The following CCSER1 variants were observed in gnomAD, a reference collection of about 807,000 sequenced individuals.
CCSER1 encodes serine-rich coiled-coil domain-containing protein 1.
In CCSER1, 41 loss-of-function variants were observed where a neutral mutation model predicts 82.0. The observed-to-expected ratio is 0.50, with a 90% confidence interval of 0.39 to 0.65. The LOEUF is 0.65. CCSER1 is among the 30% of genes least tolerant of loss of function. The probability of loss-of-function intolerance (pLI) is 0.00; values close to 1 mark genes in which losing one functional copy is unlikely to be tolerated. For missense variants in CCSER1, 1,119 were observed against 1,064.2 expected (o/e 1.05, Z -0.72); for synonymous variants, 414 against 383.9 (o/e 1.08, Z -0.92).
intron 10 of CCSER1, among the ~76,000 whole-genome samples, chr4:91,462,296 C>T (rs966074373): frequency 5.9e-5 from 9 of 152,046 alleles, no homozygotes; most frequent in African/African-American, 2.2e-4. Context: ...ATATTTTGTA[C>T]GTATCAGATA....
intron 10 of CCSER1, among the ~76,000 whole-genome samples, chr4:91,552,751 CTTTT>C (rs952096767): frequency 2.6e-5 from 4 of 151,204 alleles, no homozygotes; most frequent in Non-Finnish European, 5.9e-5. Flanking sequence ...TACTGAATTT[CTTTT>C]TTAATTCTAA....
chr4:91,508,371 A>T (rs1048824374), intron 10 of CCSER1, among the ~76,000 whole-genome samples: 2 of 151,166 alleles, frequency 1.3e-5, no homozygotes, highest in Non-Finnish European at 1.5e-5. Context: ...CATGTGGTTT[A>T]CCTCCTTTCA....
chr4:90,750,112 G>A (rs1274465690), intron 7 of CCSER1, among the ~76,000 whole-genome samples: 1 of 151,706 alleles, frequency 6.6e-6, no homozygotes, highest in Non-Finnish European at 1.5e-5. Flanking sequence ...GTCTGTTCAT[G>A]TCCTTCGCCC....
intron 5 of CCSER1, among the ~76,000 whole-genome samples, chr4:90,601,636 G>A (rs1409966912): frequency 7.0e-6 from 1 of 141,878 alleles, no homozygotes; most frequent in Non-Finnish European, 1.5e-5. Context: ...CTGAAAGCTG[G>A]ATGGCTTTTT....
chr4:90,741,032 T>A (rs1746472567), intron 7 of CCSER1, among the ~76,000 whole-genome samples: 1 of 152,154 alleles, frequency 6.6e-6, no homozygotes, highest in Non-Finnish European at 1.5e-5. Flanking sequence ...TTTCCTTAAT[T>A]GGCCAAAGTG....
chr4:91,072,644 G>A (rs919098060), intron 9 of CCSER1, among the ~76,000 whole-genome samples: 4 of 152,064 alleles, frequency 2.6e-5, no homozygotes, highest in Admixed American at 6.6e-5. Context: ...GAGGTAGTAT[G>A]TGTAATAGTT....
At chr4:91,307,299 T>A (rs896287456) in intron 10 of CCSER1, among the ~76,000 whole-genome samples, 3 of 151,932 alleles carry the variant, frequency 2.0e-5, no homozygotes, top group African/African-American at 7.2e-5. Flanking sequence ...AATATATAAC[T>A]GTCTTTGTAA....
At chr4:90,631,720 C>A (rs572351181) in intron 6 of CCSER1, among the ~76,000 whole-genome samples, 1 of 152,204 alleles carries the variant, frequency 6.6e-6, no homozygotes, top group South Asian at 2.1e-4. Context: ...GGTCGAGCAT[C>A]CCTAATCTGA....
chr4:90,778,962 T>G (rs566908796), intron 7 of CCSER1, among the ~76,000 whole-genome samples: 1 of 152,188 alleles, frequency 6.6e-6, no homozygotes, highest in African/African-American at 2.4e-5. Context: ...CCTAGTTAAA[T>G]ATACTTTATC....
At chr4:91,549,800 A>C (rs1360359331) in intron 10 of CCSER1, among the ~76,000 whole-genome samples, 1 of 152,158 alleles carries the variant, frequency 6.6e-6, no homozygotes, top group Non-Finnish European at 1.5e-5. Context: ...GCATCACTGC[A>C]CTTCAACCTG....
At chr4:90,569,712 A>G (rs1262318762) in intron 5 of CCSER1, among the ~76,000 whole-genome samples, 2 of 152,184 alleles carry the variant, frequency 1.3e-5, no homozygotes, top group East Asian at 1.9e-4. Context: ...AAACGTTACC[A>G]TAGATGTCCA....
intron 7 of CCSER1, among the ~76,000 whole-genome samples, chr4:90,805,686 T>A (rs1757415212): frequency 6.6e-6 from 1 of 152,206 alleles, no homozygotes; most frequent in Admixed American, 6.5e-5. Flanking sequence ...TAAGAAATAA[T>A]AGAATTGAAT....
At chr4:90,161,969 T>TTG (rs1168100725) in intron 1 of CCSER1, among the ~76,000 whole-genome samples, 2 of 152,254 alleles carry the variant, frequency 1.3e-5, no homozygotes, top group East Asian at 3.9e-4. Context: ...TAGACAAATG[T>TTG]TGCATTGGAA....
chr4:90,729,053 T>A (rs1744233570), intron 7 of CCSER1, among the ~76,000 whole-genome samples: 1 of 152,216 alleles, frequency 6.6e-6, no homozygotes, highest in Non-Finnish European at 1.5e-5. Flanking sequence ...TCTCTAGCTA[T>A]GTGAGACCTT....
chr4:90,406,589 A>AAGAT (rs137910044), intron 4 of CCSER1, among the ~76,000 whole-genome samples: 13,711 of 152,108 alleles, frequency 0.09, 1,167 homozygotes, highest in African/African-American at 0.23. Flanking sequence ...AACGTTCTCC[A>AAGAT]AGACCATAAG....
chr4:90,933,280 C>T (rs1361485942), intron 9 of CCSER1, among the ~76,000 whole-genome samples: 3 of 150,946 alleles, frequency 2.0e-5, no homozygotes, highest in Non-Finnish European at 4.4e-5. Flanking sequence ...CTCCACCTCC[C>T]GGGTTCACCG....
At chr4:91,223,321 A>G (rs1448064224) in intron 10 of CCSER1, among the ~76,000 whole-genome samples, 1 of 152,184 alleles carries the variant, frequency 6.6e-6, no homozygotes, top group East Asian at 1.9e-4. Context: ...ATACACTATC[A>G]TCGTCAAAAC....
At chr4:91,087,756 A>G (rs1581523587) in intron 10 of CCSER1, among the ~76,000 whole-genome samples, 1 of 152,202 alleles carries the variant, frequency 6.6e-6, no homozygotes, top group Non-Finnish European at 1.5e-5. Context: ...CCAGAAAGTA[A>G]ATGTCAACTA....
At chr4:90,586,565 A>T (rs1247604856) in intron 5 of CCSER1, among the ~76,000 whole-genome samples, 1 of 152,212 alleles carries the variant, frequency 6.6e-6, no homozygotes, top group Admixed American at 6.5e-5. Context: ...GAACATTAAG[A>T]ATAATTTACT....
Sources: allele counts gnomAD v4.1 joint callset (sites outside exome capture counted in the v4.1 genomes callset), GRCh38; gene constraint gnomAD v4.1.1; transcripts MANE v1.5; gene names NCBI Gene and HGNC (gene_info 2026-07-23, HGNC 2026-07-21).